TENM1: variants seen among roughly 807,000 people sequenced by gnomAD.
The protein encoded by TENM1 is teneurin transmembrane protein 1, also known as teneurin-1.
A neutral mutation model predicts 174.8 loss-of-function variants in TENM1; 35 were observed. The ratio of observed to expected loss-of-function variants is 0.20; its 90% CI spans 0.15 to 0.27. TENM1 has a LOEUF of 0.27. Among genes scored for constraint, TENM1 ranks in the 10% least tolerant of loss-of-function variants. The pLI is 1.00. For synonymous variants in TENM1, 781 were observed against 798.7 expected (o/e 0.98, Z 0.37); for missense variants, 1,633 against 2,130.1 (o/e 0.77, Z 4.59).
intron 3 of TENM1, among the ~76,000 whole-genome samples, chrX:124,783,605 TA>T (rs1349881603): frequency 9.0e-6 from 1 of 111,594 alleles, no homozygotes; most frequent in Non-Finnish European, 1.9e-5. Flanking sequence ...CAAAATTCAA[TA>T]AAAAAATCGA....
Position 124,809,352 on chromosome X carries a change from A to G in TENM1, c.536-72155T>C, listed in dbSNP as rs201778583. 8.1e-5 allele frequency among the ~76,000 whole-genome samples: 9 copies of G among 111,612 alleles called. No homozygotes were observed. In the East Asian group the frequency reaches 2.6e-3, roughly 32 times the overall value. On this transcript the variant is annotated intron_variant, in intron 3 of 31. Coordinates refer to ENST00000422452, the Ensembl canonical transcript of TENM1. Reference sequence around the variant, plus strand: ...GAACCCAGGACCTGATGGGTTCACTACAAAAATCAAACAAGGACACAGCAA... The same window carrying G: ...GAACCCAGGACCTGATGGGTTCACTGCAAAAATCAAACAAGGACACAGCAA...
chrX:124,447,816 TCTC>T (rs1410331842), intron 23 of TENM1, among the ~76,000 whole-genome samples: 3 of 111,148 alleles, frequency 2.7e-5, no homozygotes, highest in Non-Finnish European at 3.8e-5. Flanking sequence ...TCTTGAGCCT[TCTC>T]CTCTTTTTTA....
chrX:124,912,747 G>T (rs188148124), intron 1 of TENM1, among the ~76,000 whole-genome samples: 8 of 111,678 alleles, frequency 7.2e-5, no homozygotes, highest in Non-Finnish European at 1.5e-4. Context: ...TCTGGGTAGG[G>T]TTATTTAAAA....
chrX:125,008,119 G>A, the TENM1 span, among the ~76,000 whole-genome samples: 46 of 111,186 alleles, frequency 4.1e-4, no homozygotes, highest in Non-Finnish European at 1.1e-4. Context: ...CCATTGGTGT[G>A]CTGTATTCAG....
chrX:125,029,506 C>A, the TENM1 span, among the ~76,000 whole-genome samples: 10 of 111,277 alleles, frequency 9.0e-5, no homozygotes, highest in African/African-American at 3.3e-4. Flanking sequence ...CAGCAATGTG[C>A]CTGAGGTCAC....
At chrX:125,092,822 A>G in the TENM1 span, among the ~76,000 whole-genome samples, 1 of 112,390 alleles carries the variant, frequency 8.9e-6, no homozygotes, top group Non-Finnish European at 1.9e-5. Context: ...ATGAATGGTA[A>G]GCGTTTTCCA....
At chrX:124,469,661 T>C (rs1006225684) in intron 22 of TENM1, among the ~76,000 whole-genome samples, 3 of 110,786 alleles carry the variant, frequency 2.7e-5, no homozygotes, top group African/African-American at 9.9e-5. Flanking sequence ...ACTCTAGAGA[T>C]GTTAAGAAGA....
the TENM1 span, among the ~76,000 whole-genome samples, chrX:125,025,745 G>T: frequency 8.1e-4 from 90 of 111,480 alleles, no homozygotes; most frequent in Non-Finnish European, 1.4e-3. Flanking sequence ...ACAATTATGA[G>T]CACTAAGAAA....
In TENM1 at chrX:124,494,034, T is replaced by A. The variant is rs183143688; in HGVS notation, c.3695+2982A>T. Among the ~76,000 whole-genome samples, 4 of 111,654 alleles carry A rather than the reference T, an allele frequency of 3.6e-5. No homozygotes were observed. The East Asian group carries it at 1.1e-3, about 32-fold the overall frequency. On this transcript the variant is annotated intron_variant, in intron 20 of 31. Transcript: ENST00000422452. ...ACTAGAAGATTTCCCCAGCTAGGTGTTAGGGAATAACACTCAGTATTAGAA... is the reference window on the plus strand; with the variant it reads ...ACTAGAAGATTTCCCCAGCTAGGTGATAGGGAATAACACTCAGTATTAGAA...
the TENM1 span, among the ~76,000 whole-genome samples, chrX:125,203,443 C>T: frequency 8.9e-6 from 1 of 112,442 alleles, no homozygotes; most frequent in East Asian, 2.8e-4. Context: ...AGGAGGCTCC[C>T]TCTCAGAACT....
exon 31 of TENM1, chrX:124,382,775 T>A: frequency 1.7e-6 from 2 of 1,203,981 alleles, no homozygotes; most frequent in Non-Finnish European, 1.1e-6. Context: ...GTACATTGTG[T>A]AATTGGAAAC....
intron 11 of TENM1, among the ~76,000 whole-genome samples, chrX:124,611,892 T>A (rs767901379): frequency 2.7e-5 from 3 of 112,371 alleles, no homozygotes; most frequent in African/African-American, 9.7e-5. Context: ...TAGATTCATT[T>A]TGAACTCCAC....
chrX:124,655,872 T>C (rs975475549), intron 6 of TENM1, among the ~76,000 whole-genome samples: 15 of 112,058 alleles, frequency 1.3e-4, no homozygotes, highest in Middle Eastern at 9.2e-3. Context: ...CTTTTTTCCA[T>C]GTGAGACAGA....
At chrX:124,503,320 C>T (rs1220479476) in intron 19 of TENM1, among the ~76,000 whole-genome samples, 1 of 110,862 alleles carries the variant, frequency 9.0e-6, no homozygotes, top group Non-Finnish European at 1.9e-5. Context: ...ACATTTAAAT[C>T]GCAAACAAGG....
At chrX:124,471,528 A>T (rs1175657471) in intron 22 of TENM1, among the ~76,000 whole-genome samples, 2 of 72,588 alleles carry the variant, frequency 2.8e-5, no homozygotes, top group Non-Finnish European at 4.6e-5. Context: ...TATATAATAT[A>T]TAATATATAG....
chrX:125,138,217 C>T, the TENM1 span, among the ~76,000 whole-genome samples: 22 of 108,814 alleles, frequency 2.0e-4, no homozygotes, highest in African/African-American at 7.4e-4. Context: ...GCACTATTGA[C>T]ACACCTCAGG....
intron 11 of TENM1, among the ~76,000 whole-genome samples, chrX:124,627,899 C>T (rs1433912559): frequency 9.0e-6 from 1 of 111,408 alleles, no homozygotes; most frequent in Non-Finnish European, 1.9e-5. Flanking sequence ...TTTCCCCAGC[C>T]TATATTCTAT....
chrX:125,200,319 G>A, the TENM1 span, among the ~76,000 whole-genome samples: 1 of 111,489 alleles, frequency 9.0e-6, no homozygotes, highest in Non-Finnish European at 1.9e-5. Flanking sequence ...TGTGGTATAT[G>A]TGAGCATTTC....
At chrX:124,902,026 T>C (rs757271774) in intron 1 of TENM1, among the ~76,000 whole-genome samples, 2 of 112,282 alleles carry the variant, frequency 1.8e-5, no homozygotes, top group East Asian at 5.6e-4. Flanking sequence ...GCAAGTGTTA[T>C]TAATTATCCA....
Sources: allele counts gnomAD v4.1 joint callset (sites outside exome capture counted in the v4.1 genomes callset), GRCh38; gene constraint gnomAD v4.1.1; transcripts MANE v1.5; gene names NCBI Gene and HGNC (gene_info 2026-07-23, HGNC 2026-07-21).